DEPTOR: variants seen among roughly 807,000 people sequenced by gnomAD.
The protein encoded by DEPTOR is DEP domain-containing mTOR-interacting protein.
In DEPTOR, 41 loss-of-function variants were observed where a neutral mutation model predicts 41.6. The observed-to-expected ratio is 0.98, with a 90% CI of 0.77 to 1.28. The LOEUF (loss-of-function observed/expected upper bound fraction) is 1.28, where lower values mean the gene tolerates loss of function less well. Ranked by LOEUF, DEPTOR falls within the 50% of genes most tolerant of loss-of-function variation. The probability of loss-of-function intolerance (pLI) is 0.00; values close to 1 mark genes in which losing one functional copy is unlikely to be tolerated. For synonymous variants in DEPTOR, 195 were observed against 192.3 expected (o/e 1.01, Z -0.12); for missense variants, 514 against 527.9 (o/e 0.97, Z 0.26).
intron 8 of DEPTOR, among the ~76,000 whole-genome samples, chr8:120,033,138 A>C (rs1310284649): frequency 2.3e-5 from 3 of 133,326 alleles, no homozygotes; most frequent in Non-Finnish European, 4.6e-5. Flanking sequence ...CCCAGGCTGG[A>C]GTGCAATGAT....
intron 3 of DEPTOR, among the ~76,000 whole-genome samples, chr8:119,944,028 G>C (rs1054828883): frequency 6.6e-6 from 1 of 152,154 alleles, no homozygotes; most frequent in African/African-American, 2.4e-5. Context: ...TTTTAGGAGA[G>C]ACAGGGTTTC....
intron 8 of DEPTOR, among the ~76,000 whole-genome samples, chr8:120,020,945 A>T (rs1812696208): frequency 6.6e-6 from 1 of 151,532 alleles, no homozygotes; most frequent in African/African-American, 2.4e-5. Flanking sequence ...TTTAATCCCA[A>T]CTACTCGGGA....
chr8:119,961,282 G>T (rs143761682), intron 3 of DEPTOR, among the ~76,000 whole-genome samples: 2 of 151,776 alleles, frequency 1.3e-5, no homozygotes, highest in Non-Finnish European at 2.9e-5. Context: ...CAGGTGTGGT[G>T]GTGCATGCCT....
chr8:119,981,511 G>A (rs1227991082), intron 4 of DEPTOR, among the ~76,000 whole-genome samples: 1 of 151,884 alleles, frequency 6.6e-6, no homozygotes, highest in Non-Finnish European at 1.5e-5. Context: ...AAAATAATTA[G>A]CCAGGTGTGG....
chr8:120,030,984 T>A (rs1460476812), intron 8 of DEPTOR, among the ~76,000 whole-genome samples: 2 of 152,098 alleles, frequency 1.3e-5, no homozygotes, highest in Admixed American at 6.6e-5. Context: ...GTCCTATAGC[T>A]TCCTCTCAAT....
intron 4 of DEPTOR, among the ~76,000 whole-genome samples, chr8:119,982,636 A>C (rs193232231): frequency 9.2e-5 from 14 of 152,320 alleles, no homozygotes; most frequent in Non-Finnish European, 1.5e-5. Flanking sequence ...CCCCAGGTCT[A>C]GAATCCCAGG....
At chr8:120,011,715 T>C (rs1812533148) in intron 8 of DEPTOR, among the ~76,000 whole-genome samples, 1 of 152,246 alleles carries the variant, frequency 6.6e-6, no homozygotes, top group Non-Finnish European at 1.5e-5. Context: ...TTTGTTGATG[T>C]ACATACATAA....
At chr8:120,045,305 G>A (rs12548273) in intron 8 of DEPTOR, among the ~76,000 whole-genome samples, 56,125 of 152,086 alleles carry the variant, frequency 0.37, 10,731 homozygotes, top group African/African-American at 0.42. Flanking sequence ...AGAAATGTGT[G>A]TGTGCATACA....
At chr8:119,956,021 T>A (rs1399505403) in intron 3 of DEPTOR, among the ~76,000 whole-genome samples, 1 of 152,044 alleles carries the variant, frequency 6.6e-6, no homozygotes. Flanking sequence ...GAGCCAACGA[T>A]CCACTTCTGG....
chr8:120,031,139 T>A (rs1317188034), intron 8 of DEPTOR, among the ~76,000 whole-genome samples: 1 of 151,866 alleles, frequency 6.6e-6, no homozygotes, highest in Non-Finnish European at 1.5e-5. Flanking sequence ...CAGACCAACC[T>A]GGGCAACATA....
At chr8:119,961,614 A>G (rs983134803) in intron 3 of DEPTOR, among the ~76,000 whole-genome samples, 1 of 152,156 alleles carries the variant, frequency 6.6e-6, no homozygotes, top group African/African-American at 2.4e-5. Flanking sequence ...AATGATTGAT[A>G]GGTATAGAGT....
At chr8:120,047,446 C>T (rs1165942656) in intron 8 of DEPTOR, among the ~76,000 whole-genome samples, 1 of 152,058 alleles carries the variant, frequency 6.6e-6, no homozygotes, top group African/African-American at 2.4e-5. Flanking sequence ...CGGCTCACTA[C>T]AACCTCCACC....
intron 1 of DEPTOR, among the ~76,000 whole-genome samples, chr8:119,875,194 C>T (rs973551956): frequency 3.9e-5 from 6 of 152,064 alleles, no homozygotes; most frequent in African/African-American, 1.4e-4. Context: ...CACGCGGTGC[C>T]CGTGTGAAGA....
At chr8:119,947,535 G>T (rs1483361255) in intron 3 of DEPTOR, among the ~76,000 whole-genome samples, 1 of 152,060 alleles carries the variant, frequency 6.6e-6, no homozygotes, top group Non-Finnish European at 1.5e-5. Context: ...AACCCCTTCT[G>T]GTTTCTAGCC....
At chr8:120,048,194 A>T (rs568550773) in intron 8 of DEPTOR, among the ~76,000 whole-genome samples, 3 of 152,112 alleles carry the variant, frequency 2.0e-5, no homozygotes, top group Non-Finnish European at 4.4e-5. Context: ...TTTTGGAAAA[A>T]GAAACCCCTG....
At chr8:120,022,719 G>T (rs918522368) in intron 8 of DEPTOR, among the ~76,000 whole-genome samples, 3 of 144,874 alleles carry the variant, frequency 2.1e-5, no homozygotes, top group Non-Finnish European at 3.0e-5. Flanking sequence ...TTTTTTTCTA[G>T]AGATGGGACT....
intron 8 of DEPTOR, among the ~76,000 whole-genome samples, chr8:120,039,568 T>G (rs1813029778): frequency 6.6e-6 from 1 of 152,082 alleles, no homozygotes; most frequent in Admixed American, 6.6e-5. Context: ...AATTTTTCTT[T>G]CAAAAATCTA....
chr8:119,981,300 A>G (rs1828763809), intron 4 of DEPTOR, among the ~76,000 whole-genome samples: 1 of 152,106 alleles, frequency 6.6e-6, no homozygotes, highest in African/African-American at 2.4e-5. Context: ...TGCAGCTTAA[A>G]TTTTCTACTT....
At chr8:119,964,997 C>T (rs979989994) in intron 3 of DEPTOR, among the ~76,000 whole-genome samples, 3 of 151,952 alleles carry the variant, frequency 2.0e-5, no homozygotes, top group African/African-American at 7.3e-5. Flanking sequence ...TGCTTGAACC[C>T]AGGAGGCGGA....
Sources: gnomAD v4.1 joint callset for allele counts (sites outside exome capture counted in the v4.1 genomes callset) on GRCh38, gnomAD v4.1.1 for gene constraint, MANE v1.5 for transcripts, NCBI Gene and HGNC (gene_info 2026-07-23, HGNC 2026-07-21) for gene names.